The following KPNA7 variants were observed in gnomAD, a reference collection of about 807,000 sequenced individuals.
The protein encoded by KPNA7 is importin subunit alpha-8.
Under a neutral mutation model 53.7 loss-of-function variants are expected in KPNA7, and 54 were observed. The observed-to-expected ratio is 1.01, with a 90% CI of 0.81 to 1.26. KPNA7 has a LOEUF of 1.26. Among genes scored for constraint, KPNA7 ranks in the 50% most tolerant of loss-of-function variants. The pLI is 0.00. For synonymous variants in KPNA7, 276 were observed against 259.3 expected, an observed-to-expected ratio of 1.06 and a Z score of -0.62; for missense variants, 640 against 644.5, an observed-to-expected ratio of 0.99 and a Z score of 0.07.
chr7:99,149,489 A>G, the KPNA7 span, among the ~76,000 whole-genome samples: 54 of 152,364 alleles, frequency 3.5e-4, no homozygotes, highest in African/African-American at 1.3e-3. Flanking sequence ...TCATGAATGT[A>G]GATTTAGCAT....
At chr7:99,180,062 T>C (rs62473049) in intron 9 of KPNA7, among the ~76,000 whole-genome samples, 76,346 of 151,978 alleles carry the variant, frequency 0.5, 21,773 homozygotes, top group East Asian at 0.67. Context: ...GGTCACGTCA[T>C]GAAGGACACT....
At chr7:99,182,477 G>A (rs1376406921) in intron 8 of KPNA7, among the ~76,000 whole-genome samples, 1 of 152,150 alleles carries the variant, frequency 6.6e-6, no homozygotes, top group Non-Finnish European at 1.5e-5. Context: ...TGGGATTACA[G>A]GCACTCACCA....
the KPNA7 span, among the ~76,000 whole-genome samples, chr7:99,166,740 C>T: frequency 6.6e-6 from 1 of 152,284 alleles, no homozygotes; most frequent in Non-Finnish European, 1.5e-5. Flanking sequence ...CTACCTCACC[C>T]TCCCAAGTAG....
chr7:99,176,317 G>A (rs148899830), intron 10 of KPNA7, among the ~76,000 whole-genome samples: 29,202 of 67,906 alleles, frequency 0.43, 3,855 homozygotes, highest in South Asian at 0.51. Context: ...AAAAAAGAAA[G>A]AAAGAAAGAA....
At chr7:99,145,937 A>G in the KPNA7 span, among the ~76,000 whole-genome samples, 3 of 152,186 alleles carry the variant, frequency 2.0e-5, no homozygotes, top group South Asian at 6.2e-4. Context: ...CTCAAGAAAG[A>G]CCCAAGAATA....
At chr7:99,149,774 C>G in the KPNA7 span, among the ~76,000 whole-genome samples, 6 of 152,082 alleles carry the variant, frequency 3.9e-5, no homozygotes, top group African/African-American at 7.2e-5. Context: ...ATCTGAGCAT[C>G]AAGTTGTTTT....
chr7:99,181,160 TCTCTCTCC>T (rs1799250592), intron 9 of KPNA7, among the ~76,000 whole-genome samples: 1 of 139,830 alleles, frequency 7.2e-6, no homozygotes, highest in Non-Finnish European at 1.6e-5. Flanking sequence ...CGTCTGTGTC[TCTCTCTCC>T]GTCTGTGTCT....
intron 9 of KPNA7, 91 bp downstream of exon 9, chr7:99,181,792 A>G: frequency 5.0e-6 from 6 of 1,194,886 alleles, no homozygotes; most frequent in Non-Finnish European, 6.8e-6. Context: ...TCAGCCTCCC[A>G]AAGTACAACT....
At chr7:99,214,459 C>A (rs543423156) in intron 1 of KPNA7, among the ~76,000 whole-genome samples, 8,344 of 145,634 alleles carry the variant, frequency 0.057, 289 homozygotes, top group South Asian at 0.15. Context: ...AAACAAAAAA[C>A]AAAAACAAAA....
chr7:99,213,134 T>TCCC (rs1791119800), intron 1 of KPNA7, among the ~76,000 whole-genome samples: 1 of 151,362 alleles, frequency 6.6e-6, no homozygotes, highest in African/African-American at 2.4e-5. Flanking sequence ...AAAGGGATTT[T>TCCC]TTTTTTTTTT....
intron 2 of KPNA7, among the ~76,000 whole-genome samples, chr7:99,204,992 A>G (rs1790724549): frequency 6.6e-6 from 1 of 152,130 alleles, no homozygotes; most frequent in Admixed American, 6.6e-5. Context: ...AAACTTTTGT[A>G]CCTTTCTCTC....
At chr7:99,164,455 A>C in the KPNA7 span, among the ~76,000 whole-genome samples, 1 of 151,986 alleles carries the variant, frequency 6.6e-6, no homozygotes, top group Non-Finnish European at 1.5e-5. Flanking sequence ...ACATGGACAC[A>C]GGAAGGGGAA....
rs562979863 is a variant in KPNA7, at chr7:99,204,739, G to A, written c.67-1499C>T. Among the ~76,000 whole-genome samples, 6 of 151,312 alleles carry A rather than the reference G, an allele frequency of 4.0e-5. No individual in the cohort carries two copies. In the East Asian group the frequency reaches 1.2e-3, roughly 30 times the overall value. ...AAGAAATAAAAAATTAGCCAGGCAT[G>A]GTGCTACTTGGGAGGCTGAGGTGGG... On this transcript the variant is annotated intron_variant, in intron 2 of 10. Coordinates refer to ENST00000327442, the MANE Select transcript of KPNA7 (RefSeq NM_001145715.3).
chr7:99,156,415 G>T, the KPNA7 span, among the ~76,000 whole-genome samples: 1 of 151,850 alleles, frequency 6.6e-6, no homozygotes, highest in Non-Finnish European at 1.5e-5. Flanking sequence ...TTTATTCTTG[G>T]TATTCTGAAA....
chr7:99,184,864 AAGG>A, intron 8 of KPNA7, 62 bp downstream of exon 8: 7 of 1,330,196 alleles, frequency 5.3e-6, no homozygotes, highest in South Asian at 2.5e-5. Context: ...TGGATTCCTG[AAGG>A]AGTTCAACCC....
At chr7:99,215,975 TAAA>T (rs77323325) in intron 1 of KPNA7, among the ~76,000 whole-genome samples, 3 of 133,756 alleles carry the variant, frequency 2.2e-5, no homozygotes, top group African/African-American at 5.4e-5. Flanking sequence ...CTTCTCTAAT[TAAA>T]AAAAAAAAAA....
At chr7:99,211,522 G>T (rs1791071650), upstream of KPNA7, among the ~76,000 whole-genome samples, 2 of 152,164 alleles carry the variant, frequency 1.3e-5, no homozygotes, top group Admixed American at 6.5e-5. Flanking sequence ...TCACATTAGG[G>T]CCTGAGAGAA....
At chr7:99,168,910 C>G (rs1798722367), downstream of KPNA7, among the ~76,000 whole-genome samples, 1 of 152,108 alleles carries the variant, frequency 6.6e-6, no homozygotes, top group Admixed American at 6.6e-5. Context: ...ATTAATGTAA[C>G]CACGGTGGCT....
intron 8 of KPNA7, 60 bp downstream of exon 8, chr7:99,184,869 G>A: frequency 7.1e-7 from 1 of 1,400,840 alleles, no homozygotes; most frequent in South Asian, 1.2e-5. Context: ...TCCTGAAGGA[G>A]TTCAACCCAG....
Sources: gnomAD v4.1 joint callset for allele counts (sites outside exome capture counted in the v4.1 genomes callset) on GRCh38, gnomAD v4.1.1 for gene constraint, MANE v1.5 for transcripts, NCBI Gene and HGNC (gene_info 2026-07-23, HGNC 2026-07-21) for gene names.